The following ITGA1 variants were observed in gnomAD, a reference collection of about 807,000 sequenced individuals.
ITGA1 encodes integrin subunit alpha 1, also known as integrin alpha-1.
In ITGA1, 85 loss-of-function variants were observed where a neutral mutation model predicts 145.9. That is an observed-to-expected ratio of 0.58 (90% CI 0.49 to 0.70). The LOEUF (loss-of-function observed/expected upper bound fraction) is 0.70. Ranked by LOEUF, ITGA1 falls within the 30% of genes least tolerant of loss-of-function variation. The probability of loss-of-function intolerance (pLI) is 0.00; values close to 1 mark genes in which losing one functional copy is unlikely to be tolerated. For missense variants in ITGA1, 1,351 were observed against 1,418.7 expected (o/e 0.95, Z 0.77); for synonymous variants, 520 against 495.3 (o/e 1.05, Z -0.66).
Position 52,925,519 on chromosome 5 carries a change from C to T in ITGA1, c.2613+32C>T, listed in dbSNP as rs749258378. The stretch of plus-strand genomic sequence containing the variant: ...TTCCAGTTTTTCATTTATTTGTTCT[C>T]TTAACATCATTTACCTGGCCTACTT... On this transcript the variant is annotated intron_variant, in intron 19 of 28. Coordinates refer to ENST00000282588, the MANE Select transcript of ITGA1 (RefSeq NM_181501.2). 8.7e-6 allele frequency: 13 copies of T among 1,485,988 alleles called. 1 individual carries two copies. In the South Asian group the frequency reaches 1.5e-4, roughly 17 times the overall value. The allele number at this position is 1,485,988 out of a possible 1,614,324, so 92.1% of individuals were successfully genotyped here.
chr5:52,827,542 G>T (rs1213835492), intron 1 of ITGA1, among the ~76,000 whole-genome samples: 1 of 152,172 alleles, frequency 6.6e-6, no homozygotes, highest in Non-Finnish European at 1.5e-5. Flanking sequence ...ATGCTCAACA[G>T]CATTAATCAT....
At chr5:52,919,011 T>C in intron 16 of ITGA1, 113 bp downstream of exon 16, 3 of 918,424 alleles carry the variant, frequency 3.3e-6, no homozygotes, top group Non-Finnish European at 4.7e-6. Context: ...CTGCACGTCA[T>C]ATTTGCCCCA....
At chr5:52,911,657 T>C (rs62651798) in intron 14 of ITGA1, among the ~76,000 whole-genome samples, 2,126 of 54,126 alleles carry the variant, frequency 0.039, 20 homozygotes, top group Non-Finnish European at 0.061. Context: ...CTACTATATA[T>C]ACTATACATA....
chr5:52,844,871 TATAACA>T (rs1448754845), intron 1 of ITGA1, among the ~76,000 whole-genome samples: 14 of 152,212 alleles, frequency 9.2e-5, no homozygotes, highest in Non-Finnish European at 1.5e-4. Flanking sequence ...GACAACTTAG[TATAACA>T]AAATTCACAT....
intron 3 of ITGA1, among the ~76,000 whole-genome samples, chr5:52,863,532 T>C (rs1395328869): frequency 2.0e-5 from 3 of 152,134 alleles, no homozygotes; most frequent in Non-Finnish European, 4.4e-5. Context: ...ACAAAACTCA[T>C]TTAGTGCCAG....
rs1314207846 is a variant in ITGA1 at position 52,927,605 on chromosome 5, G to T, written c.2635G>T (p.Glu879Ter). The change falls in exon 20 of 29, where the codon GAA becomes TAA. Residue 879 changes from glutamate to a stop codon, truncating the protein, a stop_gained. Coordinates refer to ENST00000282588, the MANE Select transcript of ITGA1 (RefSeq NM_181501.2). LOFTEE classifies it high-confidence loss of function. ...CTAGGCTATCCAAAAAGACAGTTGT[G>T]AATCTAATCATAATATCACATGTAA... ...GIEAIQKDSC[E>*]SNHNITCKVG... 2 of 1,610,604 alleles carry T rather than the reference G, an allele frequency of 1.2e-6. No individual in the cohort carries two copies. The highest frequency in any genetic ancestry group is 1.7e-5 in the Admixed American group (1 of 59,764).
chr5:52,901,842 G>A (rs1304989123), intron 11 of ITGA1: 2 of 152,158 alleles, frequency 1.3e-5, no homozygotes, highest in South Asian at 2.1e-4. Flanking sequence ...GTTTTCTACA[G>A]TGTGCTGAGA....
chr5:52,905,826 G>A lies in ITGA1; in HGVS notation c.1373G>A (p.Arg458Gln), dbSNP rs140135529. ...GTGCTCTATATTGCTGGACAGCCTC[G>A]GTACAATCATACAGGCCAGGTCATT... The part of the protein sequence containing the change: ...GDVLYIAGQP[R>Q]YNHTGQVIIY... Residue 458 changes from arginine (R) to glutamine (Q), a missense_variant, in exon 12 of 29, where the codon CGG (arginine) becomes CAG (glutamine). Transcript: ENST00000282588. The A allele has an allele frequency of 1.4e-5, 22 of 1,613,372 alleles. No homozygotes were observed. Among genetic ancestry groups the A allele is most frequent in the Admixed American group, 1.7e-5 (1 of 59,966 alleles).
intron 2 of ITGA1, among the ~76,000 whole-genome samples, chr5:52,852,605 A>C (rs1053374910): frequency 3.3e-5 from 5 of 152,146 alleles, no homozygotes; most frequent in Non-Finnish European, 7.3e-5. Flanking sequence ...CTTATCAGGA[A>C]GTGGGTAAGT....
chr5:52,940,566 GC>G (rs1438991068), intron 26 of ITGA1, among the ~76,000 whole-genome samples: 1 of 151,620 alleles, frequency 6.6e-6, no homozygotes, highest in African/African-American at 2.4e-5. Flanking sequence ...CCACCACCAC[GC>G]CCGGCTAATT....
chr5:52,890,629 G>A (rs1401444536), intron 8 of ITGA1, among the ~76,000 whole-genome samples: 1 of 151,996 alleles, frequency 6.6e-6, no homozygotes, highest in Non-Finnish European at 1.5e-5. Context: ...TATTTACCTG[G>A]TACATGTGAT....
intron 14 of ITGA1, among the ~76,000 whole-genome samples, chr5:52,911,002 T>C (rs1339769860): frequency 3.0e-5 from 1 of 33,818 alleles, no homozygotes; most frequent in African/African-American, 1.6e-4. Context: ...ATATAGTATG[T>C]ATACTGTATA....
intron 24 of ITGA1, among the ~76,000 whole-genome samples, chr5:52,937,901 CCT>C (rs1197760882): frequency 6.6e-6 from 1 of 151,922 alleles, no homozygotes; most frequent in Non-Finnish European, 1.5e-5. Flanking sequence ...CCTATCTCTG[CCT>C]CTGTCTTCAC....
In ITGA1 at chr5:52,814,729, TAAAA is replaced by T. The variant is rs902189363; in HGVS notation, c.61+26321_61+26324del. 5.3e-5 allele frequency among the ~76,000 whole-genome samples: 8 copies of T among 150,196 alleles called. No homozygotes were observed. In the East Asian group the frequency reaches 1.2e-3, roughly 22 times the overall value. On this transcript the variant is annotated intron_variant, in intron 1 of 28. Coordinates refer to ENST00000282588, the MANE Select transcript of ITGA1 (RefSeq NM_181501.2). Reference sequence around the variant, plus strand: ...GTCCTCTGCACCTTCTGAGAGGTATTAAAAAAAAAGGGGGGGAAAGAAAAAGAAT... The same window carrying T: ...GTCCTCTGCACCTTCTGAGAGGTATTAAAAAGGGGGGGAAAGAAAAAGAAT...
At chr5:52,926,831 CA>C (rs138982949) in intron 19 of ITGA1, among the ~76,000 whole-genome samples, 307 of 152,192 alleles carry the variant, frequency 2.0e-3, no homozygotes, top group African/African-American at 6.9e-3. Flanking sequence ...TCTTGAGTCA[CA>C]TCATGGTTTA....
At chr5:52,923,535 T>C (rs906612699) in intron 18 of ITGA1, among the ~76,000 whole-genome samples, 1 of 152,186 alleles carries the variant, frequency 6.6e-6, no homozygotes, top group Non-Finnish European at 1.5e-5. Flanking sequence ...TAGTAAACTT[T>C]CTCAGCCATA....
At chr5:52,819,147 T>C (rs1748825071) in intron 1 of ITGA1, among the ~76,000 whole-genome samples, 1 of 152,222 alleles carries the variant, frequency 6.6e-6, no homozygotes, top group South Asian at 2.1e-4. Flanking sequence ...TTTATAATCC[T>C]TTGGGTATAT....
rs555913395 is a variant in ITGA1, at chr5:52,832,271, G to T, written c.62-17094G>T. 6.8e-4 allele frequency among the ~76,000 whole-genome samples: 104 copies of T among 152,164 alleles called. 1 individual carries two copies. Among genetic ancestry groups the T allele is most frequent in the Non-Finnish European group, 1.3e-3 (85 of 67,992 alleles). Reference sequence around the variant, plus strand: ...GTTCATACTCTGATTGGTCCCCATAGAATTAATCAACGGTGGCCAAGAGTG... The same window carrying T: ...GTTCATACTCTGATTGGTCCCCATATAATTAATCAACGGTGGCCAAGAGTG... On this transcript the variant is annotated intron_variant, in intron 1 of 28. Coordinates refer to ENST00000282588, the MANE Select transcript of ITGA1 (RefSeq NM_181501.2).
At chr5:52,815,414 A>T (rs969903419) in intron 1 of ITGA1, among the ~76,000 whole-genome samples, 7 of 152,208 alleles carry the variant, frequency 4.6e-5, no homozygotes, top group African/African-American at 1.7e-4. Context: ...CTTGCTGTTT[A>T]TCTGAAATTC....
Sources: gnomAD v4.1 joint callset for allele counts (sites outside exome capture counted in the v4.1 genomes callset) on GRCh38, gnomAD v4.1.1 for gene constraint, MANE v1.5 for transcripts, NCBI Gene and HGNC (gene_info 2026-07-23, HGNC 2026-07-21) for gene names.